The following WWTR1 variants were observed in gnomAD, a reference collection of about 807,000 sequenced individuals.
The protein encoded by WWTR1 is WW domain-containing transcription regulator protein 1.
A neutral mutation model predicts 40.1 loss-of-function variants in WWTR1; 13 were observed. That is an observed-to-expected ratio of 0.32 (90% CI 0.21 to 0.52). The LOEUF is 0.52. Among genes scored for constraint, WWTR1 ranks in the 20% least tolerant of loss-of-function variants. The pLI, the probability that WWTR1 is intolerant of heterozygous loss-of-function variation, is 0.97. For missense variants in WWTR1, 436 were observed against 523.1 expected, an observed-to-expected ratio of 0.83 and a Z score of 1.63; for synonymous variants, 230 against 210.1, an observed-to-expected ratio of 1.09 and a Z score of -0.82.
upstream of WWTR1, among the ~76,000 whole-genome samples, chr3:149,706,554 G>A (rs1715341215): frequency 6.6e-6 from 1 of 152,076 alleles, no homozygotes; most frequent in Admixed American, 6.6e-5. Flanking sequence ...CTGACCTCAG[G>A]TGATCCACCC....
At chr3:149,639,486 G>T (rs1431118117) in intron 2 of WWTR1, among the ~76,000 whole-genome samples, 2 of 152,196 alleles carry the variant, frequency 1.3e-5, no homozygotes, top group Non-Finnish European at 2.9e-5. Flanking sequence ...GGGATTATAA[G>T]TGTGAGCCAC....
chr3:149,715,423 G>A (rs1271832683), intron 5 of WWTR1, among the ~76,000 whole-genome samples: 2 of 152,218 alleles, frequency 1.3e-5, no homozygotes, highest in African/African-American at 4.8e-5. Context: ...CTCACAGAGC[G>A]CTGGCACCCG....
At chr3:149,547,262 C>A (rs185066310) in intron 3 of WWTR1, among the ~76,000 whole-genome samples, 1 of 146,190 alleles carries the variant, frequency 6.8e-6, no homozygotes, top group Non-Finnish European at 1.5e-5. Context: ...AGGTGGCTTA[C>A]GTCTGTAATC....
chr3:149,657,339 AT>A (rs1323351779), intron 1 of WWTR1, 30 bp from the exon 2 acceptor site: 9 of 1,581,294 alleles, frequency 5.7e-6, no homozygotes, highest in Non-Finnish European at 6.0e-6. Flanking sequence ...TCAGCCTTTT[AT>A]TTAAAGTCGG....
At chr3:149,687,257 T>C (rs1714684996) in intron 1 of WWTR1, among the ~76,000 whole-genome samples, 1 of 152,232 alleles carries the variant, frequency 6.6e-6, no homozygotes, top group Non-Finnish European at 1.5e-5. Flanking sequence ...GATAGCTGCA[T>C]CATAGCCTCT....
At chr3:149,674,675 ACCT>A (rs951029206) in intron 1 of WWTR1, among the ~76,000 whole-genome samples, 2 of 152,018 alleles carry the variant, frequency 1.3e-5, no homozygotes, top group African/African-American at 4.8e-5. Context: ...GTACTGATAC[ACCT>A]CCTTAGAAAG....
At chr3:149,683,887 GTGGCACTGTGGGAGCAAGAGCCAT>G (rs1714543398) in intron 1 of WWTR1, among the ~76,000 whole-genome samples, 1 of 152,040 alleles carries the variant, frequency 6.6e-6, no homozygotes, top group African/African-American at 2.4e-5. Context: ...TGTAGTTTGA[GTGGCACTGTGGGAGCAAGAGCCAT>G]TGACGACCTC....
chr3:149,723,121 TA>T (rs1715793739), intron 4 of WWTR1, among the ~76,000 whole-genome samples: 2 of 151,856 alleles, frequency 1.3e-5, no homozygotes. Context: ...TATTTGAATC[TA>T]ATAATGTGGT....
intron 2 of WWTR1, among the ~76,000 whole-genome samples, chr3:149,591,893 G>C (rs527812803): frequency 6.6e-6 from 1 of 152,226 alleles, no homozygotes; most frequent in South Asian, 2.1e-4. Context: ...ATTGCGGGAG[G>C]GGGTAGGAGA....
At chr3:149,559,960 G>A (rs777032878) in intron 3 of WWTR1, among the ~76,000 whole-genome samples, 1 of 152,180 alleles carries the variant, frequency 6.6e-6, no homozygotes, top group Non-Finnish European at 1.5e-5. Flanking sequence ...AAACGCCACT[G>A]GATAGCTGCC....
At chr3:149,553,981 T>C (rs142783155) in intron 3 of WWTR1, among the ~76,000 whole-genome samples, 2,132 of 152,270 alleles carry the variant, frequency 0.014, 63 homozygotes, top group African/African-American at 0.048. Context: ...CTTGTGTCTC[T>C]CTCAGCTCCT....
At chr3:149,618,311 G>C (rs939783167) in intron 2 of WWTR1, among the ~76,000 whole-genome samples, 2 of 152,172 alleles carry the variant, frequency 1.3e-5, no homozygotes, top group African/African-American at 2.4e-5. Flanking sequence ...GATACATCCG[G>C]GCATGCTGGT....
At chr3:149,554,807 G>A (rs546359694) in intron 3 of WWTR1, among the ~76,000 whole-genome samples, 14 of 152,318 alleles carry the variant, frequency 9.2e-5, no homozygotes, top group East Asian at 1.9e-4. Context: ...CAAGTGGCCC[G>A]TGGCAGGAAG....
intron 4 of WWTR1, among the ~76,000 whole-genome samples, chr3:149,720,667 TG>T (rs1330355519): frequency 1.3e-5 from 2 of 152,148 alleles, no homozygotes; most frequent in Non-Finnish European, 2.9e-5. Context: ...AAAACCTACT[TG>T]TTTGATAGGA....
chr3:149,670,617 CTGGGCG>C (rs1016487593), intron 1 of WWTR1, among the ~76,000 whole-genome samples: 39 of 139,162 alleles, frequency 2.8e-4, no homozygotes, highest in African/African-American at 1.0e-3. Flanking sequence ...GCACTCCAGC[CTGGGCG>C]ACAGAGCGAG....
At chr3:149,629,887 C>T (rs1711505874) in intron 2 of WWTR1, among the ~76,000 whole-genome samples, 1 of 152,146 alleles carries the variant, frequency 6.6e-6, no homozygotes, top group Admixed American at 6.5e-5. Flanking sequence ...TGCTCTGTCA[C>T]CCAGGCTGGA....
intron 6 of WWTR1, among the ~76,000 whole-genome samples, chr3:149,521,708 A>T (rs1735052821): frequency 1.3e-5 from 2 of 152,372 alleles, no homozygotes; most frequent in South Asian, 4.1e-4. Context: ...AAAATGCTGT[A>T]CTAGAGGAAA....
chr3:149,618,782 C>T (rs970096436), intron 2 of WWTR1, among the ~76,000 whole-genome samples: 13 of 152,160 alleles, frequency 8.5e-5, no homozygotes, highest in African/African-American at 4.8e-5. Flanking sequence ...TGCCTCTCCA[C>T]GCTGTAGGAG....
chr3:149,707,838 A>C (rs1468488555), upstream of WWTR1, among the ~76,000 whole-genome samples: 1 of 152,156 alleles, frequency 6.6e-6, no homozygotes, highest in African/African-American at 2.4e-5. Flanking sequence ...CTCAGGCTCC[A>C]GCTTCCCCTT....
Sources: allele counts gnomAD v4.1 joint callset (sites outside exome capture counted in the v4.1 genomes callset), GRCh38; gene constraint gnomAD v4.1.1; transcripts MANE v1.5; gene names NCBI Gene and HGNC (gene_info 2026-07-23, HGNC 2026-07-21).